The following E2F5 variants were observed in gnomAD, a reference collection of about 807,000 sequenced individuals.
The protein encoded by E2F5 is transcription factor E2F5.
Under a neutral mutation model 39.1 loss-of-function variants are expected in E2F5, and 23 were observed. The observed-to-expected ratio is 0.59, with a 90% CI of 0.42 to 0.83. The LOEUF (loss-of-function observed/expected upper bound fraction) is 0.83. E2F5 is among the 40% of genes least tolerant of loss of function. E2F5 has a pLI of 0.00. For missense variants in E2F5, 365 were observed against 406.7 expected (o/e 0.90, Z 0.88); for synonymous variants, 145 against 157.8 (o/e 0.92, Z 0.61).
At chr8:85,207,078 C>T (rs1812815115) in intron 4 of E2F5, among the ~76,000 whole-genome samples, 1 of 152,182 alleles carries the variant, frequency 6.6e-6, no homozygotes, top group Non-Finnish European at 1.5e-5. Context: ...CTAATCTCCA[C>T]TATCCTCAGT....
At position 85,177,395 on chromosome 8, in the gene E2F5, C is replaced by A; in HGVS notation, c.-26C>A. 4.1e-6 allele frequency: 4 copies of A among 987,108 alleles called. No homozygotes were observed. The highest frequency in any genetic ancestry group is 4.8e-6 in the Non-Finnish European group (4 of 832,032). 61.1% of individuals were successfully genotyped at this position (987,108 alleles called of 1,614,324 possible). On this transcript the variant is annotated 5_prime_UTR_variant, in exon 1 of 8. Coordinates refer to ENST00000416274, the MANE Select transcript of E2F5 (RefSeq NM_001951.4). ...GCCGGCGAGCGAAAGTGCGCGGGGGCCCGACCACCGCGGGGCCGGGACGCG... is the reference window on the plus strand; with the variant it reads ...GCCGGCGAGCGAAAGTGCGCGGGGGACCGACCACCGCGGGGCCGGGACGCG...
intron 4 of E2F5, among the ~76,000 whole-genome samples, chr8:85,207,179 T>G (rs2129742744): frequency 6.6e-6 from 1 of 152,372 alleles, no homozygotes; most frequent in South Asian, 2.1e-4. Flanking sequence ...TTGAGCTGAA[T>G]TTGTTAATGA....
intron 2 of E2F5, among the ~76,000 whole-genome samples, chr8:85,202,680 T>C (rs763617946): frequency 3.9e-5 from 6 of 152,224 alleles, no homozygotes; most frequent in Non-Finnish European, 8.8e-5. Flanking sequence ...TCTTCTAATG[T>C]GTCCCCTTTG....
chr8:85,184,592 G>T (rs1390290669), intron 1 of E2F5, among the ~76,000 whole-genome samples: 1 of 152,198 alleles, frequency 6.6e-6, no homozygotes, highest in African/African-American at 2.4e-5. Context: ...GTTTGCAGAT[G>T]ACATGATTGT....
intron 1 of E2F5, among the ~76,000 whole-genome samples, chr8:85,189,309 G>A (rs1206248249): frequency 6.6e-6 from 1 of 152,100 alleles, no homozygotes; most frequent in Non-Finnish European, 1.5e-5. Context: ...ACAATTTTTA[G>A]TATTTCCCAT....
Position 85,177,397 on chromosome 8 carries a change from C to T in E2F5, c.-24C>T. 1.0e-6 allele frequency: 1 copy of T among 987,196 alleles called. No homozygotes were observed. The highest frequency in any genetic ancestry group is 1.2e-6 in the Non-Finnish European group (1 of 832,112). The allele number at this position is 987,196 out of a possible 1,614,324, so 61.2% of individuals were successfully genotyped here. On this transcript the variant is annotated 5_prime_UTR_variant, in exon 1 of 8. Coordinates refer to ENST00000416274, the MANE Select transcript of E2F5 (RefSeq NM_001951.4). The stretch of plus-strand genomic sequence containing the variant: ...CGGCGAGCGAAAGTGCGCGGGGGCC[C>T]GACCACCGCGGGGCCGGGACGCGAT...
In E2F5 at chr8:85,209,373, G is replaced by T. The variant is rs999409872; in HGVS notation, c.847G>T (p.Ala283Ser). ...PEQHVSERSQ[A>S]LQQTSATDIS... is the part of the protein sequence containing the mutation. ...GCAACATGTCTCTGAAAGAAGCCAG[G>T]CTCTGCAGCAGACATCAGCTACAGA... is the stretch of plus-strand genomic sequence containing the variant. The change falls in exon 6 of 8, where the codon GCT becomes TCT. Residue 283 changes from alanine to serine, a missense_variant. Transcript: ENST00000416274. 4.3e-6 allele frequency: 7 copies of T among 1,613,206 alleles called. No individual in the cohort carries two copies. The highest frequency in any genetic ancestry group is 5.1e-6 in the Non-Finnish European group (6 of 1,179,526).
intron 1 of E2F5, among the ~76,000 whole-genome samples, chr8:85,185,534 G>C (rs1200655058): frequency 6.6e-6 from 1 of 152,182 alleles, no homozygotes; most frequent in African/African-American, 2.4e-5. Flanking sequence ...AAACTAAAGA[G>C]CTTCTGCACA....
chr8:85,207,142 AG>A (rs1358979331), intron 4 of E2F5, among the ~76,000 whole-genome samples: 2 of 152,248 alleles, frequency 1.3e-5, no homozygotes, highest in African/African-American at 4.8e-5. Context: ...CAGACTTTAC[AG>A]GAGTCTTAGT....
In E2F5 at chr8:85,209,215, A is replaced by G. The variant is rs1812863844; in HGVS notation, c.689A>G (p.Asn230Ser). The G allele has an allele frequency of 6.2e-7, 1 of 1,613,928 alleles. No individual in the cohort carries two copies. The highest frequency in any genetic ancestry group is 1.1e-5 in the South Asian group (1 of 91,086). ...HSGPIHVLLINKESSSSKPVV... is the reference protein window; with the variant it reads ...HSGPIHVLLISKESSSSKPVV... Reference sequence around the variant, plus strand: ...GGACCTATCCATGTGCTGCTTATAAATAAAGAGTCGAGTTCATCTAAGCCC... The same window carrying G: ...GGACCTATCCATGTGCTGCTTATAAGTAAAGAGTCGAGTTCATCTAAGCCC... The change falls in exon 6 of 8, where the codon AAT becomes AGT. Residue 230 changes from asparagine (N) to serine (S), a missense_variant. Coordinates refer to ENST00000416274, the MANE Select transcript of E2F5 (RefSeq NM_001951.4).
In E2F5 at chr8:85,180,869, G is replaced by A. The variant is rs112251268; in HGVS notation, c.234+3215G>A. 1.1e-3 allele frequency among the ~76,000 whole-genome samples: 170 copies of A among 151,496 alleles called. 1 individual carries two copies. Among genetic ancestry groups the A allele is most frequent in the African/African-American group, 3.6e-3 (147 of 41,280 alleles). ...GCTGGGATTACAAGCGTGAGCCACC[G>A]CGCCCGGCCGGTCTTGTTTGTTTTT... On this transcript the variant is annotated intron_variant, in intron 1 of 7. Transcript: ENST00000416274.
At chr8:85,185,173 C>A (rs1366478542) in intron 1 of E2F5, among the ~76,000 whole-genome samples, 1 of 151,990 alleles carries the variant, frequency 6.6e-6, no homozygotes, top group Non-Finnish European at 1.5e-5. Context: ...ATATATAGAC[C>A]AATGGAACAG....
chr8:85,207,275 A>C, intron 4 of E2F5, 150 bp from the exon 5 acceptor site: 1 of 598,862 alleles, frequency 1.7e-6, no homozygotes, highest in South Asian at 2.1e-5. Context: ...TAGGTTGTGT[A>C]TCCCCCATTT....
intron 5 of E2F5, 31 bp from the exon 6 acceptor site, chr8:85,209,111 A>G (rs377398574): frequency 5.0e-5 from 79 of 1,595,520 alleles, no homozygotes; most frequent in South Asian, 2.3e-4. Context: ...GTTAATAATT[A>G]TACATTTGTT....
At chr8:85,197,626 G>T (rs999501745) in intron 1 of E2F5, among the ~76,000 whole-genome samples, 3 of 152,138 alleles carry the variant, frequency 2.0e-5, no homozygotes, top group Non-Finnish European at 2.9e-5. Context: ...TTCTTTCAGA[G>T]GAATATTTTT....
intron 5 of E2F5, among the ~76,000 whole-genome samples, 194 bp from the exon 6 acceptor site, chr8:85,208,948 T>C (rs1173004298): frequency 6.6e-6 from 1 of 152,216 alleles, no homozygotes; most frequent in East Asian, 1.9e-4. Context: ...GCTTACTTTT[T>C]AGAAACTAGT....
At chr8:85,197,169 G>A (rs1053003887) in intron 1 of E2F5, among the ~76,000 whole-genome samples, 3 of 152,314 alleles carry the variant, frequency 2.0e-5, no homozygotes, top group Non-Finnish European at 2.9e-5. Context: ...GAGTGCATAT[G>A]TATTGACTTT....
At chr8:85,194,569 C>T (rs1167931272) in intron 1 of E2F5, among the ~76,000 whole-genome samples, 2 of 135,108 alleles carry the variant, frequency 1.5e-5, no homozygotes, top group Non-Finnish European at 3.1e-5. Flanking sequence ...GAGTCTCACT[C>T]TGTCACCCAG....
chr8:85,190,783 C>T (rs1812445556), intron 1 of E2F5, among the ~76,000 whole-genome samples: 1 of 152,070 alleles, frequency 6.6e-6, no homozygotes, highest in Non-Finnish European at 1.5e-5. Flanking sequence ...GGATTACAGG[C>T]ATGAGCCACC....
Sources: gnomAD v4.1 joint callset for allele counts (sites outside exome capture counted in the v4.1 genomes callset) on GRCh38, gnomAD v4.1.1 for gene constraint, MANE v1.5 for transcripts, NCBI Gene and HGNC (gene_info 2026-07-23, HGNC 2026-07-21) for gene names.